The following RASGRF2 variants were observed in gnomAD, a reference collection of about 807,000 sequenced individuals.
The protein encoded by RASGRF2 is ras-specific guanine nucleotide-releasing factor 2.
Under a neutral mutation model 151.0 loss-of-function variants are expected in RASGRF2, and 76 were observed. The observed-to-expected ratio is 0.50, with a 90% CI of 0.42 to 0.61. The LOEUF is 0.61. Among genes scored for constraint, RASGRF2 ranks in the 20% least tolerant of loss-of-function variants. The pLI, the probability that RASGRF2 is intolerant of heterozygous loss-of-function variation, is 0.00. For synonymous variants in RASGRF2, 504 were observed against 566.5 expected (o/e 0.89, Z 1.57); for missense variants, 1,148 against 1,564.6 (o/e 0.73, Z 4.49).
intron 17 of RASGRF2, among the ~76,000 whole-genome samples, chr5:81,159,636 T>C (rs1754337500): frequency 6.6e-6 from 1 of 152,198 alleles, no homozygotes; most frequent in African/African-American, 2.4e-5. Context: ...ATAATTGGAT[T>C]GTGGTTATGA....
In RASGRF2 at chr5:81,085,519, G is replaced by A. The variant is rs186759938; in HGVS notation, c.1162-283G>A. Among the ~76,000 whole-genome samples, 873 of 152,026 alleles carry A rather than the reference G, an allele frequency of 5.7e-3. 6 individuals are homozygous for A. Among genetic ancestry groups the A allele is most frequent in the South Asian group, 0.028 (135 of 4,806 alleles). On this transcript the variant is annotated intron_variant, in intron 7 of 26. Coordinates refer to ENST00000265080, the MANE Select transcript of RASGRF2 (RefSeq NM_006909.3). ...TTTTCAAAAATTATGATTCAAAAGT[G>A]TATGATTATGTAAAAAAAAATTAAA... is the stretch of plus-strand genomic sequence containing the variant.
At chr5:81,217,575 T>A in intron 25 of RASGRF2, 102 bp downstream of exon 25, 53 of 171,920 alleles carry the variant, frequency 3.1e-4, no homozygotes, top group East Asian at 5.9e-4. Flanking sequence ...TTTTCTCTTC[T>A]TTTTTTTTTT....
chr5:81,225,593 T>C, intron 26 of RASGRF2, 85 bp from the exon 27 acceptor site: 2 of 1,519,258 alleles, frequency 1.3e-6, no homozygotes, highest in Non-Finnish European at 1.8e-6. Flanking sequence ...TAAGAGAAAA[T>C]GTTGAATTGT....
Position 81,180,277 on chromosome 5 carries a change from C to T in RASGRF2, c.2789C>T (p.Ala930Val). Residue 930 changes from alanine to valine, a missense_variant, in exon 18 of 27, where the codon GCA becomes GTA. This residue lies in a region of RASGRF2 where 646 missense variants were observed against 807.4 expected (regional missense o/e 0.80). Transcript: ENST00000265080. ...CTCCGTCACTGGGTCTCAAAGCACG[C>T]ACAGGTAAGTCAGTGCCCTCATTAA... ...NVLRHWVSKH[A>V]QDFELNNELK... is the part of the protein sequence containing the mutation. The T allele has an allele frequency of 1.3e-6, 2 of 1,590,604 alleles. No homozygotes were observed. The highest frequency in any genetic ancestry group is 1.1e-5 in the South Asian group (1 of 90,550).
intron 17 of RASGRF2, among the ~76,000 whole-genome samples, chr5:81,133,037 G>A (rs2112583986): frequency 6.6e-6 from 1 of 152,264 alleles, no homozygotes; most frequent in East Asian, 1.9e-4. Context: ...GTATGCTGGG[G>A]AGTGAGGGTG....
rs140138539 is a variant in RASGRF2 at position 81,116,853 on chromosome 5, G to T, written c.2470+2933G>T. Among the ~76,000 whole-genome samples the T allele has an allele frequency of 3.3e-3, 509 of 152,264 alleles. 4 individuals are homozygous for T. Among genetic ancestry groups the T allele is most frequent in the African/African-American group, 0.012 (488 of 41,554 alleles). ...GTCCTCAAGGTTCAACCATATGATA[G>T]CATGTGATAGAATTTCCTTTTTTAA... is the stretch of plus-strand genomic sequence containing the variant. On this transcript the variant is annotated intron_variant, in intron 15 of 26. Transcript: ENST00000265080.
chr5:81,116,170 C>T (rs1404311041), intron 15 of RASGRF2, among the ~76,000 whole-genome samples: 3 of 143,512 alleles, frequency 2.1e-5, no homozygotes, highest in South Asian at 2.3e-4. Flanking sequence ...GCAACCTCTG[C>T]CTCCCAGGTT....
At chr5:81,159,461 G>T (rs995659179) in intron 17 of RASGRF2, among the ~76,000 whole-genome samples, 3 of 152,196 alleles carry the variant, frequency 2.0e-5, no homozygotes, top group African/African-American at 7.2e-5. Context: ...GGATGCAAAA[G>T]ACCACGTACT....
At chr5:81,060,140 C>T (rs1212364765) in intron 2 of RASGRF2, among the ~76,000 whole-genome samples, 2 of 152,200 alleles carry the variant, frequency 1.3e-5, no homozygotes, top group Non-Finnish European at 2.9e-5. Context: ...AGGGATCTGT[C>T]CCCATGATCC....
At chr5:81,001,764 A>G (rs1402662566) in intron 1 of RASGRF2, among the ~76,000 whole-genome samples, 1 of 151,950 alleles carries the variant, frequency 6.6e-6, no homozygotes, top group Admixed American at 6.6e-5. Context: ...CTGCTGTGGG[A>G]TTGTAACCTC....
intron 1 of RASGRF2, among the ~76,000 whole-genome samples, chr5:80,961,774 C>T (rs1431715854): frequency 1.3e-5 from 2 of 152,116 alleles, no homozygotes; most frequent in African/African-American, 4.8e-5. Context: ...ATTAGTTTTG[C>T]TGTGTGCTCA....
intron 1 of RASGRF2, among the ~76,000 whole-genome samples, chr5:80,965,218 G>C (rs960675292): frequency 5.3e-5 from 8 of 152,028 alleles, no homozygotes; most frequent in African/African-American, 1.9e-4. Flanking sequence ...AGCTGCGTGC[G>C]AACTCTGAAA....
intron 17 of RASGRF2, among the ~76,000 whole-genome samples, chr5:81,156,615 TA>T (rs1754265536): frequency 6.6e-6 from 1 of 152,132 alleles, no homozygotes; most frequent in African/African-American, 2.4e-5. Flanking sequence ...TTAAAATAGA[TA>T]AAACATTGCA....
chr5:80,967,218 G>A (rs1025274190), intron 1 of RASGRF2, among the ~76,000 whole-genome samples: 1 of 152,092 alleles, frequency 6.6e-6, no homozygotes, highest in Non-Finnish European at 1.5e-5. Flanking sequence ...GCGAAACCCT[G>A]TCTGTACTAA....
intron 2 of RASGRF2, among the ~76,000 whole-genome samples, chr5:81,052,403 T>C (rs1163831291): frequency 6.6e-6 from 1 of 152,186 alleles, no homozygotes; most frequent in Non-Finnish European, 1.5e-5. Context: ...CAAAGTTTAG[T>C]GAAATGTTTA....
chr5:81,035,391 T>G (rs558075643), intron 1 of RASGRF2, among the ~76,000 whole-genome samples: 1 of 152,162 alleles, frequency 6.6e-6, no homozygotes, highest in East Asian at 1.9e-4. Context: ...GTGTTCTCAC[T>G]CATAGGTGGG....
At chr5:81,169,244 G>A (rs1754586538) in intron 17 of RASGRF2, among the ~76,000 whole-genome samples, 1 of 152,112 alleles carries the variant, frequency 6.6e-6, no homozygotes, top group Non-Finnish European at 1.5e-5. Flanking sequence ...GAACAGTGGA[G>A]CCATTCCTGA....
chr5:81,006,274 A>G lies in RASGRF2; in HGVS notation c.289-36603A>G, dbSNP rs574444434. On this transcript the variant is annotated intron_variant, in intron 1 of 26. Coordinates refer to ENST00000265080, the MANE Select transcript of RASGRF2 (RefSeq NM_006909.3). ...GTTTATTGGGCTGTAGTCATGCTCAATGCACAGTTTTCTATGGGGATCCTG... is the reference window on the plus strand; with the variant it reads ...GTTTATTGGGCTGTAGTCATGCTCAGTGCACAGTTTTCTATGGGGATCCTG... Among the ~76,000 whole-genome samples the G allele has an allele frequency of 8.5e-5, 13 of 152,266 alleles. No homozygotes were observed. The South Asian group carries it at 2.7e-3, about 32-fold the overall frequency.
chr5:81,179,677 C>T (rs1754867480), intron 17 of RASGRF2, among the ~76,000 whole-genome samples: 1 of 152,130 alleles, frequency 6.6e-6, no homozygotes, highest in Non-Finnish European at 1.5e-5. Flanking sequence ...TTTTTAAATA[C>T]ACATTCTTAG....
Sources: gnomAD v4.1 joint callset for allele counts (sites outside exome capture counted in the v4.1 genomes callset) on GRCh38, gnomAD v4.1.1 for gene constraint, gnomAD v4.1.1 regional missense constraint, MANE v1.5 for transcripts, NCBI Gene and HGNC (gene_info 2026-07-23, HGNC 2026-07-21) for gene names.